Variants in COL12A1 observed in about 807,000 individuals in gnomAD.
COL12A1 encodes the protein collagen alpha-1(XII) chain.
COL12A1 carries 114 observed loss-of-function variants against 349.7 expected under a neutral mutation model. That is an observed-to-expected ratio of 0.33 (90% CI 0.28 to 0.38). The LOEUF is 0.38. Ranked by LOEUF, COL12A1 falls within the 10% of genes least tolerant of loss-of-function variation. COL12A1 has a pLI of 1.00. For synonymous variants in COL12A1, 1,369 were observed against 1,329.0 expected (o/e 1.03, Z -0.66); for missense variants, 3,284 against 3,756.9 (o/e 0.87, Z 3.29).
intron 21 of COL12A1, 71 bp downstream of exon 21, chr6:75,151,070 A>AAAGAAAAAATATATTGCC: frequency 7.3e-6 from 1 of 136,618 alleles, no homozygotes; most frequent in Non-Finnish European, 1.6e-5. Context: ...CCTCCCCCCC[A>AAAGAAAAAATATATTGCC]CCCAAAAGAA....
intron 23 of COL12A1, among the ~76,000 whole-genome samples, chr6:75,147,017 G>A (rs976486726): frequency 1.3e-5 from 2 of 152,146 alleles, no homozygotes; most frequent in Non-Finnish European, 2.9e-5. Flanking sequence ...GAAGCAAGAA[G>A]TAGGAAAGAA....
intron 38 of COL12A1, among the ~76,000 whole-genome samples, chr6:75,127,818 T>C (rs1305247342): frequency 6.6e-6 from 1 of 152,210 alleles, no homozygotes; most frequent in Non-Finnish European, 1.5e-5. Context: ...AATTGCTTAG[T>C]ACAATAAAAA....
rs190221932 is a variant in COL12A1, at chr6:75,138,201, A to G, written c.5251+119T>C. ...AAAAGCCTATGTAAAAGAGTTCTCAATGAACATCTTAGGATTTAAAAGCAG... is the reference window on the plus strand; with the variant it reads ...AAAAGCCTATGTAAAAGAGTTCTCAGTGAACATCTTAGGATTTAAAAGCAG... On this transcript the variant is annotated intron_variant, in intron 30 of 65. Coordinates refer to ENST00000322507, the MANE Select transcript of COL12A1 (RefSeq NM_004370.6). 3,317 of 1,086,822 alleles carry G rather than the reference A, an allele frequency of 3.1e-3. 13 individuals are homozygous for G. Among genetic ancestry groups the G allele is most frequent in the Non-Finnish European group, 3.6e-3 (2,747 of 754,158 alleles). The allele number at this position is 1,086,822 out of a possible 1,614,324, so 67.3% of individuals were successfully genotyped here. A position where few individuals can be genotyped will look rare whatever the true frequency, so the allele number is the denominator to read the frequency against.
At chr6:75,114,373 A>G (rs1768976870) in intron 49 of COL12A1, among the ~76,000 whole-genome samples, 1 of 152,036 alleles carries the variant, frequency 6.6e-6, no homozygotes, top group Admixed American at 6.6e-5. Flanking sequence ...TAGTGATGAT[A>G]AAAGGATGGG....
At chr6:75,135,618 TGCCCAA>T (rs1274122096) in intron 31 of COL12A1, among the ~76,000 whole-genome samples, 5 of 152,218 alleles carry the variant, frequency 3.3e-5, no homozygotes, top group Admixed American at 1.3e-4. Context: ...AATGGCACAC[TGCCCAA>T]AATGAGTGCA....
chr6:75,143,093 A>C, intron 26 of COL12A1, 159 bp downstream of exon 26: 1 of 759,380 alleles, frequency 1.3e-6, no homozygotes, highest in Non-Finnish European at 2.1e-6. Context: ...TATATCATTG[A>C]TTTTCAAAAA....
intron 59 of COL12A1, among the ~76,000 whole-genome samples, chr6:75,095,934 A>G (rs989837566): frequency 1.6e-4 from 25 of 152,314 alleles, no homozygotes; most frequent in Non-Finnish European, 2.4e-4. Context: ...TTTTGTGCTA[A>G]GTTGGGCACC....
At chr6:75,128,207 A>T in intron 38 of COL12A1, 89 bp downstream of exon 38, 1 of 1,197,374 alleles carries the variant, frequency 8.4e-7, no homozygotes, top group Non-Finnish European at 1.1e-6. Flanking sequence ...TGGTAAAGAT[A>T]AAATTTTAGG....
At chr6:75,103,283 T>G (rs1251839489) in intron 55 of COL12A1, among the ~76,000 whole-genome samples, 1 of 152,180 alleles carries the variant, frequency 6.6e-6, no homozygotes, top group Non-Finnish European at 1.5e-5. Context: ...CATAAAATAT[T>G]CCCCTGAGAA....
At chr6:75,157,513 C>G (rs1405235951) in intron 14 of COL12A1, among the ~76,000 whole-genome samples, 2 of 151,742 alleles carry the variant, frequency 1.3e-5, no homozygotes, top group Admixed American at 6.6e-5. Flanking sequence ...GGACACTGAT[C>G]CCTAAGAGAG....
intron 37 of COL12A1, among the ~76,000 whole-genome samples, chr6:75,129,498 T>A (rs1267491343): frequency 6.6e-6 from 1 of 152,156 alleles, no homozygotes; most frequent in East Asian, 1.9e-4. Flanking sequence ...TCATAACAAA[T>A]GGATGTGCAT....
At chr6:75,202,974 T>C (rs937582018) in intron 1 of COL12A1, 147 bp from the exon 2 acceptor site, 1 of 573,834 alleles carries the variant, frequency 1.7e-6, no homozygotes. Context: ...GGGCCTATTG[T>C]GAAGCAGTGG....
At chr6:75,101,567 CA>C (rs1310392122) in intron 58 of COL12A1, 32 bp downstream of exon 58, 27 of 1,597,804 alleles carry the variant, frequency 1.7e-5, no homozygotes, top group Non-Finnish European at 2.3e-5. Context: ...ACATCATTTC[CA>C]ACATCATTGT....
Position 75,090,144 on chromosome 6 carries a change from G to T in COL12A1, c.8907C>A (p.Gly2969=), listed in dbSNP as rs1245227934. 2 of 1,613,904 alleles carry T rather than the reference G, an allele frequency of 1.2e-6. No individual in the cohort carries two copies. Among genetic ancestry groups the T allele is most frequent in the Middle Eastern group, 1.7e-4 (1 of 5,932 alleles). ...CAGGGGGTCCCTGCATCCCTGGTGT[G>T]CCCGGGAAGCCTGGCCGCCCCCCAG... The part of the protein sequence containing the change: ...PGPGGRPGFP[G]TPGMQGPPGE... Residue 2969 remains glycine, a synonymous_variant, in exon 63 of 66, where the codon GGC becomes GGA. Coordinates refer to ENST00000322507, the MANE Select transcript of COL12A1 (RefSeq NM_004370.6). This position sits in a 1 kb window ranked among gnomAD's most constrained non-coding sequence, Gnocchi z 4.1.
chr6:75,174,923 T>TTTTAAGAATC, intron 13 of COL12A1, 115 bp downstream of exon 13: 1 of 1,195,650 alleles, frequency 8.4e-7, no homozygotes, highest in Non-Finnish European at 1.2e-6. Context: ...TATGGATTCT[T>TTTTAAGAATC]TTTAAGAGAA....
At chr6:75,106,358 C>T in intron 53 of COL12A1, 61 bp downstream of exon 53, 1 of 1,402,484 alleles carries the variant, frequency 7.1e-7, no homozygotes, top group Non-Finnish European at 1.0e-6. Context: ...CTCCCAGGCA[C>T]AAGGGTTTAT....
Position 75,109,120 on chromosome 6 carries a change from G to A in COL12A1, c.7998C>T (p.Cys2666=). ...TGATGTCTTTTTCTATAATTTCATA[G>A]CAGTCAATGTAAATCTTAACACTTT... is the stretch of plus-strand genomic sequence containing the variant. ...TSKSVKIYID[C]YEIIEKDIKE... Residue 2666 remains cysteine (C), a synonymous_variant, in exon 52 of 66, where the codon TGC becomes TGT. Transcript: ENST00000322507. 1.2e-6 allele frequency: 2 copies of A among 1,604,382 alleles called. No homozygotes were observed. The highest frequency in any genetic ancestry group is 1.7e-6 in the Non-Finnish European group (2 of 1,172,164).
chr6:75,109,641 C>T (rs943352479), intron 51 of COL12A1, among the ~76,000 whole-genome samples: 2 of 152,078 alleles, frequency 1.3e-5, no homozygotes, highest in Non-Finnish European at 2.9e-5. Context: ...CATATAGATA[C>T]CTCATACAGT....
At chr6:75,095,262 C>T in intron 59 of COL12A1, 83 bp from the exon 60 acceptor site, 3 of 1,037,820 alleles carry the variant, frequency 2.9e-6, no homozygotes, top group Non-Finnish European at 4.3e-6. Flanking sequence ...CTGTTTTAAA[C>T]GCGTTTAAAT....
Sources: gnomAD v4.1 joint callset for allele counts (sites outside exome capture counted in the v4.1 genomes callset) on GRCh38, gnomAD v4.1.1 for gene constraint, Gnocchi (gnomAD v3.1) non-coding constraint, MANE v1.5 for transcripts, NCBI Gene and HGNC (gene_info 2026-07-23, HGNC 2026-07-21) for gene names.